GRIN2B: variants seen among roughly 807,000 people sequenced by gnomAD.
GRIN2B encodes glutamate receptor ionotropic, NMDA 2B.
In GRIN2B, 5 loss-of-function variants were observed where a neutral mutation model predicts 114.5. The ratio of observed to expected loss-of-function variants is 0.04; its 90% CI spans 0.02 to 0.09. GRIN2B has a LOEUF of 0.09. Ranked by LOEUF, GRIN2B falls within the 10% of genes least tolerant of loss-of-function variation. The pLI, the probability that GRIN2B is intolerant of heterozygous loss-of-function variation, is 1.00. For synonymous variants in GRIN2B, 787 were observed against 745.1 expected, an observed-to-expected ratio of 1.06 and a Z score of -0.92; for missense variants, 1,108 against 1,943.5, an observed-to-expected ratio of 0.57 and a Z score of 8.08.
At position 13,555,668 on chromosome 12, in the gene GRIN2B, CAG is replaced by C. The variant is rs897603131; in HGVS notation, c.*7113_*7114del. 3.9e-5 allele frequency: 6 copies of C among 152,216 alleles called. No individual in the cohort carries two copies. The highest frequency in any genetic ancestry group is 6.5e-5 in the Admixed American group (1 of 15,288). The allele number at this position is 152,216 out of a possible 1,614,324, so 9.4% of individuals were successfully genotyped here. A position where few individuals can be genotyped will look rare whatever the true frequency, so the allele number is the denominator to read the frequency against. On this transcript the variant is annotated 3_prime_UTR_variant, in exon 14 of 14. Transcript: ENST00000609686. ...GTGAAAGACAAGAGAAATCTAAAGG[CAG>C]AGAGGACAGCATATGTGAGGATTCA...
At chr12:13,808,501 C>T (rs1268151259) in intron 3 of GRIN2B, among the ~76,000 whole-genome samples, 1 of 151,528 alleles carries the variant, frequency 6.6e-6, no homozygotes, top group African/African-American at 2.4e-5. Context: ...ATCCATGTCC[C>T]TACAAAGGAC....
intron 10 of GRIN2B, 148 bp from the exon 11 acceptor site, chr12:13,572,112 C>T: frequency 1.5e-6 from 1 of 679,164 alleles, no homozygotes; most frequent in Admixed American, 2.3e-5. Flanking sequence ...TCACCGAATA[C>T]ATTAGCCCTC....
chr12:13,563,400 T>C lies in GRIN2B; in HGVS notation c.3838A>G (p.Lys1280Glu), dbSNP rs772502958. 14 of 1,614,072 alleles carry C rather than the reference T, an allele frequency of 8.7e-6. No individual in the cohort carries two copies. In the Admixed American group the frequency reaches 2.3e-4, roughly 27 times the overall value. Residue 1280 changes from lysine (K) to glutamate (E), a missense_variant, in exon 14 of 14, where the codon AAG becomes GAG. Coordinates refer to ENST00000609686, the MANE Select transcript of GRIN2B (RefSeq NM_000834.5). ...GAATTAGTCGGGCTCTGAGGGTACT[T>C]AGTGGTGGAGGCGTTTGACGTCACC... ...VAVTSNASTT[K>E]YPQSPTNSKA...
chr12:13,612,656 A>G (rs780162925), intron 8 of GRIN2B, among the ~76,000 whole-genome samples: 1 of 152,234 alleles, frequency 6.6e-6, no homozygotes, highest in Non-Finnish European at 1.5e-5. Context: ...GCTTTCTTTA[A>G]TATCTTTAAT....
intron 2 of GRIN2B, among the ~76,000 whole-genome samples, chr12:13,878,676 T>C (rs549689942): frequency 2.0e-4 from 31 of 152,084 alleles, no homozygotes; most frequent in Non-Finnish European, 3.5e-4. Context: ...CTGAGTCGAG[T>C]ATGGCCTCTC....
chr12:13,637,592 G>A (rs992565827), intron 5 of GRIN2B, among the ~76,000 whole-genome samples: 1 of 152,064 alleles, frequency 6.6e-6, no homozygotes, highest in African/African-American at 2.4e-5. Flanking sequence ...AATAGTCCAT[G>A]GAGTAGTCAG....
In GRIN2B at chr12:13,563,431, T is replaced by C. The variant is rs78765966; in HGVS notation, c.3807A>G (p.Pro1269=). ...SLQELDQPAA[P]VAVTSNASTT... is the part of the protein sequence containing the mutation. ...TGGAGGCGTTTGACGTCACCGCCACTGGGGCAGCCGGCTGGTCCAGTTCCT... is the reference window on the plus strand; with the variant it reads ...TGGAGGCGTTTGACGTCACCGCCACCGGGGCAGCCGGCTGGTCCAGTTCCT... The change falls in exon 14 of 14, where the codon CCA becomes CCG. Residue 1269 remains proline, a synonymous_variant. Transcript: ENST00000609686. The C allele has an allele frequency of 3.7e-6, 6 of 1,614,034 alleles. No homozygotes were observed. In the African/African-American group the frequency reaches 6.7e-5, roughly 18 times the overall value.
chr12:13,869,682 G>C (rs1164418837), intron 2 of GRIN2B, among the ~76,000 whole-genome samples: 3 of 152,214 alleles, frequency 2.0e-5, no homozygotes, highest in African/African-American at 4.8e-5. Context: ...ACCCAAGTTT[G>C]TCTGGCTCCA....
chr12:13,787,016 T>A lies in GRIN2B; in HGVS notation c.412-33101A>T, dbSNP rs1262417468. On this transcript the variant is annotated intron_variant, in intron 3 of 13. Transcript: ENST00000609686. ...CTCCAAGGAACCTTTGATAGACAGT[T>A]CTTACCTGCTGCTTTCTGTTCAGCT... Among the ~76,000 whole-genome samples, 3 of 152,188 alleles carry A rather than the reference T, an allele frequency of 2.0e-5. No homozygotes were observed. The East Asian group carries it at 5.8e-4, about 29-fold the overall frequency.
chr12:13,911,180 G>C (rs968097645), intron 2 of GRIN2B, among the ~76,000 whole-genome samples: 1 of 151,602 alleles, frequency 6.6e-6, no homozygotes, highest in Non-Finnish European at 1.5e-5. Flanking sequence ...TTTGTATCTC[G>C]AACATTTAGC....
Position 13,549,497 on chromosome 12 carries a change from A to G in GRIN2B, c.*13286T>C, listed in dbSNP as rs1014849292. On this transcript the variant is annotated 3_prime_UTR_variant, in exon 14 of 14. Transcript: ENST00000609686. ...ACTTAATTAGACAGAGGTGCCCAGA[A>G]AAGGATGTAAGGGGCTCTCCCTTGA... 2.0e-5 allele frequency: 3 copies of G among 152,110 alleles called. No homozygotes were observed. Among genetic ancestry groups the G allele is most frequent in the African/African-American group, 7.2e-5 (3 of 41,396 alleles). 9.4% of individuals were successfully genotyped at this position (152,110 alleles called of 1,614,324 possible).
intron 10 of GRIN2B, among the ~76,000 whole-genome samples, chr12:13,573,604 C>CAATTACTCTCTAAA (rs1948734936): frequency 3.2e-5 from 4 of 125,430 alleles, no homozygotes; most frequent in African/African-American, 9.4e-5. Context: ...ATCATTGTAG[C>CAATTACTCTCTAAA]TGTGCTGTGC....
At chr12:13,981,896 GAC>G (rs3834938), upstream of GRIN2B, 3 of 153,512 alleles carry the variant, frequency 2.0e-5, no homozygotes, top group Non-Finnish European at 4.4e-5. Flanking sequence ...CACACACACA[GAC>G]ACACACACAC....
intron 4 of GRIN2B, among the ~76,000 whole-genome samples, chr12:13,748,885 C>T (rs1282490622): frequency 2.6e-5 from 4 of 152,090 alleles, no homozygotes; most frequent in African/African-American, 9.7e-5. Flanking sequence ...TAAATATGTC[C>T]CATGCAATAT....
intron 3 of GRIN2B, among the ~76,000 whole-genome samples, chr12:13,765,621 C>G (rs1237213726): frequency 2.6e-5 from 4 of 152,358 alleles, no homozygotes; most frequent in Admixed American, 6.5e-5. Context: ...ATCTCCCTTT[C>G]TAATTCATTT....
At chr12:13,628,569 C>A (rs1378463685) in intron 5 of GRIN2B, among the ~76,000 whole-genome samples, 1 of 152,190 alleles carries the variant, frequency 6.6e-6, no homozygotes, top group Non-Finnish European at 1.5e-5. Context: ...CAAATCATTG[C>A]ACATTTAGTA....
At chr12:13,943,662 G>A (rs145210975) in intron 2 of GRIN2B, among the ~76,000 whole-genome samples, 172 of 152,184 alleles carry the variant, frequency 1.1e-3, no homozygotes, top group African/African-American at 3.6e-3. Context: ...AGCCTGGGAC[G>A]CTCTCATCCC....
At chr12:13,907,934 T>TA (rs1441192281) in intron 2 of GRIN2B, among the ~76,000 whole-genome samples, 7 of 152,206 alleles carry the variant, frequency 4.6e-5, no homozygotes, top group Non-Finnish European at 1.5e-5. Context: ...ACTACTACCC[T>TA]AAGTGCCTTA....
chr12:13,863,742 T>A (rs1423411652), intron 3 of GRIN2B, among the ~76,000 whole-genome samples: 1 of 152,200 alleles, frequency 6.6e-6, no homozygotes, highest in Non-Finnish European at 1.5e-5. Flanking sequence ...TGTTGTGGAT[T>A]TGTAAAAGGT....
Sources: allele counts gnomAD v4.1 joint callset (sites outside exome capture counted in the v4.1 genomes callset), GRCh38; gene constraint gnomAD v4.1.1; transcripts MANE v1.5; gene names NCBI Gene and HGNC (gene_info 2026-07-23, HGNC 2026-07-21).